MYCBP2: variants seen among roughly 807,000 people sequenced by gnomAD.
The protein encoded by MYCBP2 is E3 ubiquitin-protein ligase MYCBP2.
A neutral mutation model predicts 525.3 loss-of-function variants in MYCBP2; 120 were observed. That is an observed-to-expected ratio of 0.23 (90% CI 0.20 to 0.27). The LOEUF (loss-of-function observed/expected upper bound fraction) is 0.27. MYCBP2 is among the 10% of genes least tolerant of loss of function. The pLI is 1.00. For synonymous variants in MYCBP2, 1,894 were observed against 1,955.8 expected, an observed-to-expected ratio of 0.97 and a Z score of 0.83; for missense variants, 4,149 against 5,657.1, an observed-to-expected ratio of 0.73 and a Z score of 8.55.
chr13:77,213,873 T>G (rs2154285261), intron 21 of MYCBP2, among the ~76,000 whole-genome samples: 1 of 152,318 alleles, frequency 6.6e-6, no homozygotes, highest in African/African-American at 2.4e-5. Context: ...TCATGATCTC[T>G]ATGTTTCCTG....
chr13:77,071,237 G>GTATATATATA (rs10681121), intron 68 of MYCBP2, among the ~76,000 whole-genome samples: 5 of 149,882 alleles, frequency 3.3e-5, no homozygotes, highest in African/African-American at 1.2e-4. Context: ...ATATGTGTGT[G>GTATATATATA]TATATATATA....
At position 77,077,396 on chromosome 13, in the gene MYCBP2, G is replaced by A. The variant is rs750255259; in HGVS notation, c.11485-9C>T. 2.5e-6 allele frequency: 4 copies of A among 1,613,288 alleles called. No homozygotes were observed. The African/African-American group carries it at 4.0e-5, about 16-fold the overall frequency. On this transcript the variant is annotated splice_polypyrimidine_tract_variant and intron_variant, in intron 66 of 82. Coordinates refer to ENST00000544440, the MANE Select transcript of MYCBP2 (RefSeq NM_015057.5). ...CTGGAATCCAGATCAACCTGGTTGAGTAGAAAAGAGGCAGGAACCTGATTC... is the reference window on the plus strand; with the variant it reads ...CTGGAATCCAGATCAACCTGGTTGAATAGAAAAGAGGCAGGAACCTGATTC...
rs2058779293 is a variant in MYCBP2 at position 77,168,560 on chromosome 13, G to A, written c.5982C>T (p.Asn1994=). 6.2e-7 allele frequency: 1 copy of A among 1,614,170 alleles called. No homozygotes were observed. The highest frequency in any genetic ancestry group is 8.5e-7 in the Non-Finnish European group (1 of 1,180,032). The part of the protein sequence containing the change: ...LNQKYAPPAF[N]PNQSTDSTTG... ...TGGTGCTATCTGTCGACTGATTAGG[G>A]TTGAAGGCAGGCGGTGCATACTTCT... The change falls in exon 40 of 83, where the codon AAC becomes AAT. Residue 1994 remains asparagine, a synonymous_variant. Transcript: ENST00000544440.
chr13:77,239,376 C>T (rs1055225035), intron 17 of MYCBP2, among the ~76,000 whole-genome samples: 2 of 152,108 alleles, frequency 1.3e-5, no homozygotes, highest in African/African-American at 2.4e-5. Context: ...GGAACACTAA[C>T]ATTTTATTTG....
At chr13:77,281,569 C>T (rs185626157) in intron 3 of MYCBP2, among the ~76,000 whole-genome samples, 6 of 152,140 alleles carry the variant, frequency 3.9e-5, no homozygotes, top group African/African-American at 1.4e-4. Flanking sequence ...TTTACTGCTG[C>T]TCTCAAATAA....
chr13:77,311,731 C>G (rs534395927), intron 1 of MYCBP2, among the ~76,000 whole-genome samples: 2 of 150,282 alleles, frequency 1.3e-5, no homozygotes, highest in Non-Finnish European at 3.0e-5. Context: ...ATCTGAAAAA[C>G]AGAGAAAAAA....
At chr13:77,077,618 T>G in intron 66 of MYCBP2, 1 of 432,512 alleles carries the variant, frequency 2.3e-6, no homozygotes, top group East Asian at 4.0e-5. Flanking sequence ...GTTAAGGGAT[T>G]TTCAGTAAAT....
chr13:77,162,412 A>G (rs2058042555), intron 43 of MYCBP2, among the ~76,000 whole-genome samples: 1 of 152,200 alleles, frequency 6.6e-6, no homozygotes, highest in South Asian at 2.1e-4. Context: ...ATTAGTTAAT[A>G]TAGAACATAT....
At chr13:77,128,941 AAT>A (rs1477430678) in intron 52 of MYCBP2, among the ~76,000 whole-genome samples, 1 of 152,008 alleles carries the variant, frequency 6.6e-6, no homozygotes, top group African/African-American at 2.4e-5. Context: ...CATAAAACTA[AAT>A]ATAGCAAATT....
chr13:77,197,793 G>T (rs532213359), intron 26 of MYCBP2, among the ~76,000 whole-genome samples: 237 of 141,112 alleles, frequency 1.7e-3, no homozygotes, highest in African/African-American at 5.8e-3. Context: ...TGAAGGGAAG[G>T]AAAAAAAAAG....
Position 77,205,543 on chromosome 13 carries a change from T to C in MYCBP2, c.3645A>G (p.Thr1215=). The change falls in exon 25 of 83, where the codon ACA becomes ACG. Residue 1215 remains threonine, a synonymous_variant. Transcript: ENST00000544440. ...TCATTACTGCTTGAGTCTCTTCCTCTGTACTTGCAACACCCATTTTTAAGT... is the reference window on the plus strand; with the variant it reads ...TCATTACTGCTTGAGTCTCTTCCTCCGTACTTGCAACACCCATTTTTAAGT... ...MQDLKMGVAS[T]EEETQAVMKV... 6.2e-7 allele frequency: 1 copy of C among 1,613,632 alleles called. No individual in the cohort carries two copies. The highest frequency in any genetic ancestry group is 8.5e-7 in the Non-Finnish European group (1 of 1,179,808).
chr13:77,299,619 C>G (rs983334008), intron 1 of MYCBP2, among the ~76,000 whole-genome samples: 9 of 152,062 alleles, frequency 5.9e-5, no homozygotes, highest in Non-Finnish European at 8.8e-5. Flanking sequence ...TAAGCTTAAA[C>G]CTTTCACAAT....
At chr13:77,162,572 A>G (rs2058064933) in intron 43 of MYCBP2, among the ~76,000 whole-genome samples, 1 of 152,206 alleles carries the variant, frequency 6.6e-6, no homozygotes, top group Admixed American at 6.5e-5. Flanking sequence ...AAAACTATCC[A>G]GTGTCAACAG....
chr13:77,090,084 T>C, intron 60 of MYCBP2, 22 bp downstream of exon 60: 1 of 1,583,216 alleles, frequency 6.3e-7, no homozygotes, highest in Admixed American at 1.8e-5. Flanking sequence ...CACTCAATAT[T>C]CTTTTTTATC....
intron 55 of MYCBP2, among the ~76,000 whole-genome samples, chr13:77,108,944 C>T (rs2154142207): frequency 6.6e-6 from 1 of 152,262 alleles, no homozygotes; most frequent in South Asian, 2.1e-4. Context: ...TCACCCGCCT[C>T]ATCCTCCCAA....
chr13:77,208,292 A>G (rs1382375159), intron 23 of MYCBP2, among the ~76,000 whole-genome samples: 1 of 152,178 alleles, frequency 6.6e-6, no homozygotes, highest in Non-Finnish European at 1.5e-5. Context: ...AAAGTGATTC[A>G]GACTTACCTC....
chr13:77,291,369 T>C, intron 2 of MYCBP2, among the ~76,000 whole-genome samples: 1 of 152,186 alleles, frequency 6.6e-6, no homozygotes, highest in East Asian at 1.9e-4. Flanking sequence ...AAAAAGCGAA[T>C]ACCATATGTT....
intron 2 of MYCBP2, among the ~76,000 whole-genome samples, chr13:77,296,031 A>G (rs1594749405): frequency 6.6e-6 from 1 of 152,214 alleles, no homozygotes; most frequent in Admixed American, 6.5e-5. Flanking sequence ...ACAGAAATGG[A>G]TATGTTCCCC....
intron 1 of MYCBP2, 97 bp from the exon 2 acceptor site, chr13:77,296,771 TC>T (rs1371567158): frequency 1.0e-6 from 1 of 987,410 alleles, no homozygotes; most frequent in African/African-American, 1.7e-5. Flanking sequence ...GACATTTGGA[TC>T]TTTTTCTTGC....
Sources: allele counts gnomAD v4.1 joint callset (sites outside exome capture counted in the v4.1 genomes callset), GRCh38; gene constraint gnomAD v4.1.1; transcripts MANE v1.5; gene names NCBI Gene and HGNC (gene_info 2026-07-23, HGNC 2026-07-21).